Variants in NAV1 observed in about 807,000 individuals in gnomAD.
NAV1 encodes pore membrane and/or filament interacting like protein 3.
A neutral mutation model predicts 175.2 loss-of-function variants in NAV1; 18 were observed. The observed-to-expected ratio is 0.10, with a 90% CI of 0.07 to 0.15. NAV1 has a LOEUF of 0.15. Among genes scored for constraint, NAV1 ranks in the 10% least tolerant of loss-of-function variants. NAV1 has a pLI of 1.00. For missense variants in NAV1, 1,731 were observed against 2,436.6 expected (o/e 0.71, Z 6.10); for synonymous variants, 897 against 978.7 (o/e 0.92, Z 1.56).
intron 3 of NAV1, among the ~76,000 whole-genome samples, 155 bp from the exon 8 acceptor site, chr1:201,780,266 T>A (rs557427633): frequency 2.6e-5 from 4 of 152,336 alleles, no homozygotes; most frequent in African/African-American, 9.6e-5. Flanking sequence ...AAGTCACACT[T>A]TGAGTTGCTG....
Position 201,812,058 on chromosome 1 carries a change from G to A in NAV1, c.5024+84G>A, listed in dbSNP as rs1678726073. On this transcript the variant is annotated intron_variant, in intron 26 of 29. Transcript: ENST00000367296. This position sits in a 1 kb window ranked among gnomAD's most constrained non-coding sequence, Gnocchi z 4.6. ...ACTCTGGCCAGGAGGCAGTAGATAG[G>A]AGAAGGAAAGAGAAGTATCCAGAGC... is the stretch of plus-strand genomic sequence containing the variant. 1.3e-5 allele frequency: 16 copies of A among 1,230,424 alleles called. No individual in the cohort carries two copies. The South Asian group carries it at 1.6e-4, about 12-fold the overall frequency. The allele number at this position is 1,230,424 out of a possible 1,614,324, so 76.2% of individuals were successfully genotyped here. A position where few individuals can be genotyped will look rare whatever the true frequency, so the allele number is the denominator to read the frequency against.
chr1:201,630,518 C>T (rs1470809464), intron 2 of NAV1, among the ~76,000 whole-genome samples: 1 of 152,310 alleles, frequency 6.6e-6, no homozygotes, highest in East Asian at 1.9e-4. Context: ...GGCCAGATAT[C>T]CCTTCTTGGC....
chr1:201,594,265 C>T (rs1667289933), intron 2 of NAV1, among the ~76,000 whole-genome samples: 1 of 152,114 alleles, frequency 6.6e-6, no homozygotes, highest in African/African-American at 2.4e-5. Flanking sequence ...TGGGCAGGGC[C>T]TTATTTTGGC....
intron 2 of NAV1, among the ~76,000 whole-genome samples, chr1:201,604,066 A>G (rs1174081952): frequency 6.6e-6 from 1 of 152,040 alleles, no homozygotes; most frequent in African/African-American, 2.4e-5. Context: ...CATTTTGTTT[A>G]TTTATTTTGA....
chr1:201,655,759 G>A (rs1258681952), intron 1 of NAV1, among the ~76,000 whole-genome samples: 2 of 152,264 alleles, frequency 1.3e-5, no homozygotes, highest in African/African-American at 4.8e-5. Flanking sequence ...TGTCTGGCAT[G>A]GCTGTCCAGT....
At chr1:201,545,780 C>G (rs1011914005) in intron 1 of NAV1, among the ~76,000 whole-genome samples, 2 of 152,196 alleles carry the variant, frequency 1.3e-5, no homozygotes, top group African/African-American at 2.4e-5. Context: ...AACCAGAGAA[C>G]TGGGCTGATG....
chr1:201,656,290 G>A (rs1669398820), intron 1 of NAV1, among the ~76,000 whole-genome samples: 1 of 152,214 alleles, frequency 6.6e-6, no homozygotes, highest in African/African-American at 2.4e-5. Flanking sequence ...GCTTCTCAGG[G>A]TGCTTTCTCC....
At chr1:201,668,838 G>A (rs1669933394) in intron 1 of NAV1, among the ~76,000 whole-genome samples, 1 of 152,116 alleles carries the variant, frequency 6.6e-6, no homozygotes, top group Non-Finnish European at 1.5e-5. Flanking sequence ...GCTCCTCTCA[G>A]CATCTTCATT....
chr1:201,624,336 C>CTTTT (rs1188885818), intron 1 of NAV1, among the ~76,000 whole-genome samples: 77 of 79,460 alleles, frequency 9.7e-4, no homozygotes, highest in Middle Eastern at 0.013. Context: ...GTCAACTACG[C>CTTTT]TTTTTTTTTT....
chr1:201,546,701 T>G (rs1665682799), intron 1 of NAV1, among the ~76,000 whole-genome samples: 1 of 151,930 alleles, frequency 6.6e-6, no homozygotes, highest in Admixed American at 6.6e-5. Flanking sequence ...TCAGGAGATC[T>G]AGACCATCCT....
intron 2 of NAV1, among the ~76,000 whole-genome samples, chr1:201,615,263 C>CTTTTTTTT (rs1256633287): frequency 2.8e-5 from 4 of 145,088 alleles, no homozygotes; most frequent in African/African-American, 1.1e-4. Flanking sequence ...TTCTTTCTTT[C>CTTTTTTTT]TTTCTTTTTT....
At chr1:201,684,543 C>T (rs1053080218) in intron 1 of NAV1, among the ~76,000 whole-genome samples, 5 of 144,082 alleles carry the variant, frequency 3.5e-5, no homozygotes, top group Admixed American at 1.4e-4. Context: ...GGCTTGATCT[C>T]GGCTCACTGC....
chr1:201,581,468 T>C (rs188868132), intron 1 of NAV1, among the ~76,000 whole-genome samples: 2 of 152,266 alleles, frequency 1.3e-5, no homozygotes, highest in East Asian at 3.9e-4. Flanking sequence ...TGGACAAGTG[T>C]CTCAGTGGAG....
intron 2 of NAV1, among the ~76,000 whole-genome samples, chr1:201,642,556 T>TCTGTC (rs371076258): frequency 8.1e-6 from 1 of 123,962 alleles, no homozygotes; most frequent in Non-Finnish European, 1.6e-5. Flanking sequence ...TTTCTTTCTT[T>TCTGTC]TTTCCCTTTC....
chr1:201,665,583 GCACC>G (rs1669790398), intron 1 of NAV1, among the ~76,000 whole-genome samples: 1 of 139,402 alleles, frequency 7.2e-6, no homozygotes, highest in African/African-American at 2.7e-5. Context: ...GAGGGCAAGA[GCACC>G]CCACCCCCCC....
chr1:201,555,810 C>T (rs532439954), intron 1 of NAV1, among the ~76,000 whole-genome samples: 3 of 133,244 alleles, frequency 2.3e-5, no homozygotes, highest in Non-Finnish European at 3.0e-5. Context: ...AGTGGGGATT[C>T]GGGAGCCAGA....
At chr1:201,823,761 G>T (rs1360535637) in exon 30 of NAV1, 1 of 152,208 alleles carries the variant, frequency 6.6e-6, no homozygotes, top group Non-Finnish European at 1.5e-5. Flanking sequence ...TTCCTGGTTT[G>T]CAAGACTAAG....
At chr1:201,586,348 T>C (rs1450730082) in intron 1 of NAV1, among the ~76,000 whole-genome samples, 3 of 152,156 alleles carry the variant, frequency 2.0e-5, no homozygotes, top group Non-Finnish European at 4.4e-5. Context: ...AGTTTAAGTT[T>C]TGCAACATGA....
intron 1 of NAV1, among the ~76,000 whole-genome samples, chr1:201,690,098 C>T (rs1415747711): frequency 8.1e-6 from 1 of 122,936 alleles, no homozygotes; most frequent in Admixed American, 8.1e-5. Context: ...CCTCTCTGGC[C>T]TGTCCGTGGC....
Sources: allele counts gnomAD v4.1 joint callset (sites outside exome capture counted in the v4.1 genomes callset), GRCh38; gene constraint gnomAD v4.1.1; non-coding constraint Gnocchi (gnomAD v3.1); transcripts MANE v1.5; gene names NCBI Gene and HGNC (gene_info 2026-07-23, HGNC 2026-07-21).